The following HAS3 variants were observed in gnomAD, a reference collection of about 807,000 sequenced individuals.
HAS3 encodes the protein hyaluronan synthase 3, also known as HA synthase 3.
In HAS3, 27 loss-of-function variants were observed where a neutral mutation model predicts 50.3. The ratio of observed to expected loss-of-function variants is 0.54; its 90% CI spans 0.40 to 0.74. The LOEUF is 0.74. Ranked by LOEUF, HAS3 falls within the 30% of genes least tolerant of loss-of-function variation. HAS3 has a pLI of 0.00. For synonymous variants in HAS3, 339 were observed against 310.9 expected (o/e 1.09, Z -0.95); for missense variants, 517 against 742.8 (o/e 0.70, Z 3.53).
downstream of HAS3, chr16:69,118,134 CCCTAATT>C: frequency 2.7e-6 from 1 of 371,178 alleles, no homozygotes; most frequent in African/African-American, 2.1e-5. Context: ...CCCACCCCCA[CCCTAATT>C]CCCATATTCC....
At position 69,106,690 on chromosome 16, in the gene HAS3, G is replaced by A. The variant is rs1960809141; in HGVS notation, c.-1+903G>A. On this transcript the variant is annotated intron_variant, in intron 1 of 3. Coordinates refer to ENST00000569188, the MANE Select transcript of HAS3 (RefSeq NM_001199280.2). This position sits in a 1 kb window ranked among gnomAD's most constrained non-coding sequence, Gnocchi z 5.5. ...CCCCGCACCTTCTACGACCTCCCGGGGGTTTGCACCTGTCCGGGCACCAAG... is the reference window on the plus strand; with the variant it reads ...CCCCGCACCTTCTACGACCTCCCGGAGGTTTGCACCTGTCCGGGCACCAAG... 6.6e-6 allele frequency: 1 copy of A among 152,196 alleles called. No individual in the cohort carries two copies. Among genetic ancestry groups the A allele is most frequent in the Non-Finnish European group, 1.5e-5 (1 of 68,038 alleles). 9.4% of individuals were successfully genotyped at this position (152,196 alleles called of 1,614,324 possible).
the HAS3 span, among the ~76,000 whole-genome samples, chr16:69,086,195 G>T: frequency 1.5e-4 from 22 of 151,310 alleles, no homozygotes; most frequent in African/African-American, 5.3e-4. Context: ...AACAGACAGG[G>T]TCTCACTTTG....
chr16:69,093,523 CTTTTTTTT>C, the HAS3 span, among the ~76,000 whole-genome samples: 3 of 87,436 alleles, frequency 3.4e-5, no homozygotes, highest in Non-Finnish European at 6.4e-5. Flanking sequence ...TACAGTGTAT[CTTTTTTTT>C]TTTTTTTTTT....
chr16:69,094,136 A>C, the HAS3 span, among the ~76,000 whole-genome samples: 1 of 152,198 alleles, frequency 6.6e-6, no homozygotes, highest in South Asian at 2.1e-4. Context: ...CTGGGGAACT[A>C]GGAAAGCTAC....
chr16:69,098,431 TG>T, the HAS3 span, among the ~76,000 whole-genome samples: 2 of 151,540 alleles, frequency 1.3e-5, no homozygotes, highest in African/African-American at 2.4e-5. Flanking sequence ...TTTTACAACA[TG>T]GGGTCTCTCT....
downstream of HAS3, chr16:69,118,396 A>G: frequency 6.2e-7 from 1 of 1,613,238 alleles, no homozygotes; most frequent in Non-Finnish European, 8.5e-7. Context: ...ACCAGGTCCA[A>G]GCTGCCCAGG....
chr16:69,114,784 A>C lies in HAS3; in HGVS notation c.1180A>C (p.Ile394Leu). The C allele has an allele frequency of 6.2e-7, 1 of 1,613,834 alleles. No homozygotes were observed. The highest frequency in any genetic ancestry group is 8.5e-7 in the Non-Finnish European group (1 of 1,179,974). The change falls in exon 4 of 4, where the codon ATT (isoleucine) becomes CTT (leucine). Residue 394 changes from isoleucine to leucine, a missense_variant. By Grantham distance (5) the Ile-to-Leu change is conservative (BLOSUM62 2). Coordinates refer to ENST00000569188, the MANE Select transcript of HAS3 (RefSeq NM_001199280.2). The surrounding 1 kb of genome is among the most constrained non-coding windows in gnomAD (Gnocchi z 6.4). ...CACGGGTTTCTTCCCCTTCTTCCTCATTGCCACGGTTATACAGCTTTTCTA... is the reference window on the plus strand; with the variant it reads ...CACGGGTTTCTTCCCCTTCTTCCTCCTTGCCACGGTTATACAGCTTTTCTA... The part of the protein sequence containing the change: ...VVTGFFPFFL[I>L]ATVIQLFYRG...
downstream of HAS3, chr16:69,118,345 T>G: frequency 6.5e-7 from 1 of 1,547,742 alleles, no homozygotes; most frequent in Non-Finnish European, 8.9e-7. Context: ...CTCCCTGTTC[T>G]GTGTTCAAGC....
chr16:69,083,490 G>A, the HAS3 span: 14 of 1,609,366 alleles, frequency 8.7e-6, no homozygotes, highest in Admixed American at 5.0e-5. Flanking sequence ...TGCAGGTGCT[G>A]AGCGCCGTCC....
the HAS3 span, chr16:69,083,770 G>A: frequency 7.8e-7 from 1 of 1,284,866 alleles, no homozygotes; most frequent in Admixed American, 2.6e-5. Flanking sequence ...CAGCATGGCT[G>A]ACCCTCGGGG....
Position 69,109,016 on chromosome 16 carries a change from C to A in HAS3, c.1-380C>A, listed in dbSNP as rs1960904841. On this transcript the variant is annotated intron_variant, in intron 1 of 3. Coordinates refer to ENST00000569188, the MANE Select transcript of HAS3 (RefSeq NM_001199280.2). This position sits in a 1 kb window ranked among gnomAD's most constrained non-coding sequence, Gnocchi z 5.3. ...CTCACCCCCTTGAAGCTTACCTCTT[C>A]AGCGCTTTGGGCCAGGTAGAGCCCA... is the stretch of plus-strand genomic sequence containing the variant. Among the ~76,000 whole-genome samples, 1 of 152,184 alleles carries A rather than the reference C, an allele frequency of 6.6e-6. No homozygotes were observed. Among genetic ancestry groups the A allele is most frequent in the Non-Finnish European group, 1.5e-5 (1 of 68,026 alleles).
In HAS3 at chr16:69,109,431, G is replaced by C; in HGVS notation, c.36G>C (p.Val12=). The C allele has an allele frequency of 1.9e-6, 3 of 1,611,686 alleles. No individual in the cohort carries two copies. Among genetic ancestry groups the C allele is most frequent in the Non-Finnish European group, 2.5e-6 (3 of 1,179,578 alleles). Residue 12 remains valine (V), a synonymous_variant, in exon 2 of 4, where the codon GTG becomes GTC. Transcript: ENST00000569188. This position sits in a 1 kb window ranked among gnomAD's most constrained non-coding sequence, Gnocchi z 5.3. The part of the protein sequence containing the change: ...PVQLTTALRV[V]GTSLFALAVL... ...AGCTGACGACAGCCCTGCGTGTGGT[G>C]GGCACCAGCCTGTTTGCCCTGGCAG... is the stretch of plus-strand genomic sequence containing the variant.
At chr16:69,094,342 C>T in the HAS3 span, among the ~76,000 whole-genome samples, 10 of 152,198 alleles carry the variant, frequency 6.6e-5, no homozygotes, top group Non-Finnish European at 1.0e-4. Flanking sequence ...ACCCCCACCA[C>T]ACACACACAC....
Position 69,115,329 on chromosome 16 carries a change from A to C in HAS3, c.*63A>C. Reference sequence around the variant, plus strand: ...AAGGGAGGGAAGGGGAATGGAAGAGAAAAGACAGGGTGGGAGGGAGGAGGG... The same window carrying C: ...AAGGGAGGGAAGGGGAATGGAAGAGCAAAGACAGGGTGGGAGGGAGGAGGG... On this transcript the variant is annotated 3_prime_UTR_variant, in exon 4 of 4. Transcript: ENST00000569188. The C allele has an allele frequency of 6.7e-7, 1 of 1,487,282 alleles. No individual in the cohort carries two copies. The allele number at this position is 1,487,282 out of a possible 1,614,324, so 92.1% of individuals were successfully genotyped here.
At position 69,117,061 on chromosome 16, in the gene HAS3, A is replaced by C. The variant is rs1243304356; in HGVS notation, c.*1795A>C. Reference sequence around the variant, plus strand: ...TCACACAGACCTCGAGTTTCTGGTAAGACTGCTGGTTGACATCAGACCCAA... The same window carrying C: ...TCACACAGACCTCGAGTTTCTGGTACGACTGCTGGTTGACATCAGACCCAA... On this transcript the variant is annotated 3_prime_UTR_variant, in exon 4 of 4. Coordinates refer to ENST00000569188, the MANE Select transcript of HAS3 (RefSeq NM_001199280.2). The C allele has an allele frequency of 1.0e-6, 1 of 985,538 alleles. No individual in the cohort carries two copies. The highest frequency in any genetic ancestry group is 1.2e-6 in the Non-Finnish European group (1 of 829,944). 61.0% of individuals were successfully genotyped at this position (985,538 alleles called of 1,614,324 possible). A position where few individuals can be genotyped will look rare whatever the true frequency, so the allele number is the denominator to read the frequency against.
chr16:69,117,537 G>GT lies in HAS3; in HGVS notation c.*2274dup, dbSNP rs746662552. The GT allele has an allele frequency of 2.0e-4, 177 of 872,416 alleles. No homozygotes were observed. The highest frequency in any genetic ancestry group is 2.3e-4 in the Non-Finnish European group (168 of 731,808). The allele number at this position is 872,416 out of a possible 1,614,324, so 54.0% of individuals were successfully genotyped here. ...GAGAATTCAAATCCTCTTTTGTATT[G>GT]TTTCTACAATAATTTGTAAACATAT... On this transcript the variant is annotated 3_prime_UTR_variant, in exon 4 of 4. Transcript: ENST00000569188.
At chr16:69,110,702 T>C (rs1443919989) in intron 2 of HAS3, among the ~76,000 whole-genome samples, 2 of 152,182 alleles carry the variant, frequency 1.3e-5, no homozygotes, top group Non-Finnish European at 2.9e-5. Flanking sequence ...GTCCCATTGC[T>C]AGTAGGGTGC....
the HAS3 span, among the ~76,000 whole-genome samples, chr16:69,090,558 A>G: frequency 6.6e-6 from 1 of 151,288 alleles, no homozygotes; most frequent in Non-Finnish European, 1.5e-5. Context: ...ACAGACGTGC[A>G]CCACCACACT....
chr16:69,116,306 G>C lies in HAS3; in HGVS notation c.*1040G>C. ...TTGGGGCGGAGCCCCGGCTCTTATA[G>C]AAGCTTCAGCAGGAGGCAAGCGTGT... On this transcript the variant is annotated 3_prime_UTR_variant, in exon 4 of 4. Coordinates refer to ENST00000569188, the MANE Select transcript of HAS3 (RefSeq NM_001199280.2). 1 of 985,828 alleles carries C rather than the reference G, an allele frequency of 1.0e-6. No individual in the cohort carries two copies. Among genetic ancestry groups the C allele is most frequent in the Non-Finnish European group, 1.2e-6 (1 of 829,942 alleles). The allele number at this position is 985,828 out of a possible 1,614,324, so 61.1% of individuals were successfully genotyped here.
Sources: allele counts gnomAD v4.1 joint callset (sites outside exome capture counted in the v4.1 genomes callset), GRCh38; gene constraint gnomAD v4.1.1; non-coding constraint Gnocchi (gnomAD v3.1); transcripts MANE v1.5; gene names NCBI Gene and HGNC (gene_info 2026-07-23, HGNC 2026-07-21).